The following DGLUCY variants were observed in gnomAD, a reference collection of about 807,000 sequenced individuals.
DGLUCY encodes D-glutamate cyclase.
Under a neutral mutation model 58.5 loss-of-function variants are expected in DGLUCY, and 58 were observed. The ratio of observed to expected loss-of-function variants is 0.99; its 90% CI spans 0.80 to 1.23. DGLUCY has a LOEUF of 1.23. Among genes scored for constraint, DGLUCY ranks in the 50% most tolerant of loss-of-function variants. DGLUCY has a pLI of 0.00. For synonymous variants in DGLUCY, 325 were observed against 314.1 expected (o/e 1.03, Z -0.37); for missense variants, 779 against 784.7 (o/e 0.99, Z 0.09).
intron 5 of DGLUCY, among the ~76,000 whole-genome samples, chr14:91,173,003 G>C (rs982877769): frequency 1.3e-5 from 2 of 152,154 alleles, no homozygotes; most frequent in African/African-American, 4.8e-5. Flanking sequence ...TTGGAATCCT[G>C]TGCATTTTCT....
At chr14:91,130,944 A>G (rs1450232596) in intron 1 of DGLUCY, among the ~76,000 whole-genome samples, 1 of 150,884 alleles carries the variant, frequency 6.6e-6, no homozygotes, top group Admixed American at 6.6e-5. Context: ...ATTCCATATC[A>G]GTTTTATGTT....
At chr14:91,087,992 A>G (rs1283356187) in intron 1 of DGLUCY, among the ~76,000 whole-genome samples, 1 of 152,200 alleles carries the variant, frequency 6.6e-6, no homozygotes, top group African/African-American at 2.4e-5. Flanking sequence ...ACCCAGCAGT[A>G]GGTCAGAGGA....
intron 7 of DGLUCY, among the ~76,000 whole-genome samples, chr14:91,178,264 C>A (rs2048977029): frequency 6.6e-6 from 1 of 152,022 alleles, no homozygotes; most frequent in Non-Finnish European, 1.5e-5. Flanking sequence ...CTCCTAGGCT[C>A]AAGCAATCCT....
At chr14:91,132,071 G>A (rs2046054680) in intron 1 of DGLUCY, among the ~76,000 whole-genome samples, 1 of 152,162 alleles carries the variant, frequency 6.6e-6, no homozygotes. Flanking sequence ...GGGATTTCAG[G>A]CGTGCGCCAC....
At chr14:91,163,770 C>T (rs1328749226) in intron 3 of DGLUCY, among the ~76,000 whole-genome samples, 1 of 152,138 alleles carries the variant, frequency 6.6e-6, no homozygotes, top group Non-Finnish European at 1.5e-5. Context: ...CTCTGAGCCT[C>T]GTTCCCCTCA....
intron 3 of DGLUCY, chr14:91,165,366 T>TGGG (rs1418356854): frequency 4.6e-6 from 2 of 431,348 alleles, no homozygotes; most frequent in South Asian, 3.3e-5. Context: ...ATCTTATAGA[T>TGGG]GGGGAAGCTG....
At position 91,189,146 on chromosome 14, in the gene DGLUCY, A is replaced by ATTG; in HGVS notation, c.1175_1177dup (p.Val392dup). 6.2e-7 allele frequency: 1 copy of ATTG among 1,614,152 alleles called. No homozygotes were observed. The highest frequency in any genetic ancestry group is 1.1e-5 in the South Asian group (1 of 91,082). On this transcript the variant is annotated inframe_insertion, in exon 9 of 14. Transcript: ENST00000256324. ...GAGAGCCTGGAACTTGCACCAGAAG[A>ATTG]TTGTTGAAGATGCTGTTGAGCAAGG...
intron 1 of DGLUCY, among the ~76,000 whole-genome samples, chr14:91,150,190 G>A (rs1339342861): frequency 2.3e-5 from 3 of 128,760 alleles, no homozygotes; most frequent in Non-Finnish European, 3.1e-5. Context: ...CTGCACTCCA[G>A]CCTGGGTGAC....
upstream of DGLUCY, among the ~76,000 whole-genome samples, chr14:91,104,490 C>G (rs1370575017): frequency 1.3e-5 from 2 of 152,114 alleles, no homozygotes; most frequent in Non-Finnish European, 2.9e-5. Context: ...TTATCTGGCC[C>G]CAAATGTCAG....
At chr14:91,164,480 G>A (rs1208964842) in intron 3 of DGLUCY, among the ~76,000 whole-genome samples, 1 of 152,162 alleles carries the variant, frequency 6.6e-6, no homozygotes, top group East Asian at 1.9e-4. Context: ...CCTCTGTTTT[G>A]GGAAGGCTTT....
intron 6 of DGLUCY, chr14:91,173,766 G>A: frequency 4.5e-6 from 1 of 221,476 alleles, no homozygotes; most frequent in Non-Finnish European, 9.0e-6. Context: ...GCCACCCTTG[G>A]CAGAATAGCC....
intron 3 of DGLUCY, chr14:91,165,297 T>C (rs1054291215): frequency 3.9e-5 from 18 of 455,976 alleles, no homozygotes; most frequent in Non-Finnish European, 7.1e-5. Flanking sequence ...ACCGAGGTGC[T>C]CAATAACTTA....
chr14:91,188,931 T>C lies in DGLUCY; in HGVS notation c.956T>C (p.Leu319Pro), dbSNP rs1195315317. 6.2e-7 allele frequency: 1 copy of C among 1,614,094 alleles called. No homozygotes were observed. Among genetic ancestry groups the C allele is most frequent in the South Asian group, 1.1e-5 (1 of 91,064 alleles). Residue 319 changes from leucine to proline, a missense_variant, in exon 9 of 14, where the codon CTG (leucine) becomes CCG (proline). Coordinates refer to ENST00000256324, the MANE Select transcript of DGLUCY (RefSeq NM_001102368.3). ...TCAGGGAACCGGGGGATTGGGCACCTGCTCTGTAAAGATGAGCTGCTGAAG... is the reference window on the plus strand; with the variant it reads ...TCAGGGAACCGGGGGATTGGGCACCCGCTCTGTAAAGATGAGCTGCTGAAG... ...IDPGNRGIGH[L>P]LCKDELLKAS... is the part of the protein sequence containing the mutation.
At chr14:91,149,366 C>T (rs554048255) in intron 1 of DGLUCY, among the ~76,000 whole-genome samples, 2 of 152,302 alleles carry the variant, frequency 1.3e-5, no homozygotes, top group East Asian at 3.9e-4. Context: ...AGGTCGTTAT[C>T]ACTCTGGCAA....
At chr14:91,068,753 A>C (rs2043868513) in intron 1 of DGLUCY, among the ~76,000 whole-genome samples, 1 of 152,240 alleles carries the variant, frequency 6.6e-6, no homozygotes, top group South Asian at 2.1e-4. Context: ...TACAAAAAGA[A>C]AGCAAAGCAA....
At chr14:91,073,980 G>A (rs2043965366) in intron 1 of DGLUCY, among the ~76,000 whole-genome samples, 1 of 151,366 alleles carries the variant, frequency 6.6e-6, no homozygotes, top group African/African-American at 2.4e-5. Flanking sequence ...AAATTGCCTG[G>A]CACGGTGGCT....
chr14:91,088,058 G>A (rs1451795453), intron 1 of DGLUCY, among the ~76,000 whole-genome samples: 1 of 152,096 alleles, frequency 6.6e-6, no homozygotes, highest in African/African-American at 2.4e-5. Flanking sequence ...GAGGAGCTGG[G>A]CAGGCAAAGG....
At chr14:91,073,130 G>A (rs1205002988) in intron 1 of DGLUCY, among the ~76,000 whole-genome samples, 1 of 152,124 alleles carries the variant, frequency 6.6e-6, no homozygotes, top group Non-Finnish European at 1.5e-5. Context: ...TTTATGTGGT[G>A]AAAAGGATTT....
intron 1 of DGLUCY, among the ~76,000 whole-genome samples, chr14:91,075,147 C>T (rs1056717232): frequency 1.3e-5 from 2 of 151,234 alleles, no homozygotes; most frequent in Non-Finnish European, 2.9e-5. Flanking sequence ...TTCTATTTGC[C>T]TTTCTTGCAT....
Sources: allele counts gnomAD v4.1 joint callset (sites outside exome capture counted in the v4.1 genomes callset), GRCh38; gene constraint gnomAD v4.1.1; transcripts MANE v1.5; gene names NCBI Gene and HGNC (gene_info 2026-07-23, HGNC 2026-07-21).